RBAK: variants seen among roughly 807,000 people sequenced by gnomAD.
The protein encoded by RBAK is RB associated KRAB zinc finger.
Under a neutral mutation model 65.8 loss-of-function variants are expected in RBAK, and 39 were observed. That is an observed-to-expected ratio of 0.59 (90% CI 0.46 to 0.77). The LOEUF is 0.77. Among genes scored for constraint, RBAK ranks in the 30% least tolerant of loss-of-function variants. The pLI, the probability that RBAK is intolerant of heterozygous loss-of-function variation, is 0.00. For missense variants in RBAK, 884 were observed against 855.1 expected (o/e 1.03, Z -0.42); for synonymous variants, 343 against 289.7 (o/e 1.18, Z -1.87).
chr7:5,060,575 A>G (rs1779046014), intron 4 of RBAK, among the ~76,000 whole-genome samples: 1 of 152,246 alleles, frequency 6.6e-6, no homozygotes, highest in Non-Finnish European at 1.5e-5. Flanking sequence ...GATTTGATAA[A>G]TGTCTTCAAG....
intron 2 of RBAK, among the ~76,000 whole-genome samples, chr7:5,056,794 G>C (rs1436876178): frequency 6.6e-6 from 1 of 152,130 alleles, no homozygotes; most frequent in Non-Finnish European, 1.5e-5. Context: ...CCAGAGCAGT[G>C]AGTTAGGAGG....
Position 5,065,716 on chromosome 7 carries a change from G to A in RBAK, c.*115G>A, listed in dbSNP as rs534906188. ...TTCCTGAACGGTGAGAAGCATTTAG[G>A]CATTAGAGTCATTTTAATCCAAATT... On this transcript the variant is annotated 3_prime_UTR_variant, in exon 5 of 5. Transcript: ENST00000396912. The surrounding 1 kb of genome is among the most constrained non-coding windows in gnomAD (Gnocchi z 5.3). The A allele has an allele frequency of 4.8e-5, 34 of 703,526 alleles. No homozygotes were observed. Among genetic ancestry groups the A allele is most frequent in the Non-Finnish European group, 6.7e-5 (32 of 478,498 alleles). The allele number at this position is 703,526 out of a possible 1,614,324, so 43.6% of individuals were successfully genotyped here.
rs1384159855 is a variant in RBAK, at chr7:5,069,359, A to C, written c.*3758A>C. ...TAAAGCTTAGCATAATGTATATTTT[A>C]AGTGAAATATTTGAGAAGGTTAAAG... On this transcript the variant is annotated 3_prime_UTR_variant, in exon 5 of 5. Transcript: ENST00000396912. 4 of 152,226 alleles carry C rather than the reference A, an allele frequency of 2.6e-5. No individual in the cohort carries two copies. The highest frequency in any genetic ancestry group is 9.6e-5 in the African/African-American group (4 of 41,460). 9.4% of individuals were successfully genotyped at this position (152,226 alleles called of 1,614,324 possible). A position where few individuals can be genotyped will look rare whatever the true frequency, so the allele number is the denominator to read the frequency against.
intron 2 of RBAK, among the ~76,000 whole-genome samples, chr7:5,049,785 G>A (rs1788075683): frequency 1.3e-5 from 2 of 151,942 alleles, no homozygotes; most frequent in South Asian, 2.1e-4. Context: ...GTGTAGAGAC[G>A]TGATCACAAC....
rs374659981 is a variant in RBAK at position 5,064,219 on chromosome 7, C to G, written c.763C>G (p.Gln255Glu). 306 of 1,613,958 alleles carry G rather than the reference C, an allele frequency of 1.9e-4. No homozygotes were observed. Among genetic ancestry groups the G allele is most frequent in the Middle Eastern group, 6.6e-4 (4 of 6,062 alleles). Residue 255 changes from glutamine (Q) to glutamate (E), a missense_variant, in exon 5 of 5, where the codon CAA becomes GAA. Gln to Glu is a conservative substitution (Grantham distance 29). Transcript: ENST00000396912. The surrounding 1 kb of genome is among the most constrained non-coding windows in gnomAD (Gnocchi z 6.3). ...MSNFNAYQRS[Q>E]MEMKPFECSE... ...AAATTTTAATGCATATCAGAGATCA[C>G]AAATGGAAATGAAGCCCTTTGAATG... is the stretch of plus-strand genomic sequence containing the variant.
intron 4 of RBAK, among the ~76,000 whole-genome samples, chr7:5,059,306 C>G (rs1199586989): frequency 2.6e-5 from 4 of 151,930 alleles, no homozygotes; most frequent in Admixed American, 2.6e-4. Flanking sequence ...TCTCCTCCCT[C>G]TCTCCCTTCC....
At chr7:5,057,513 G>C (rs1321823014) in intron 3 of RBAK, 92 bp downstream of exon 3, 59 of 1,610,006 alleles carry the variant, frequency 3.7e-5, no homozygotes, top group Non-Finnish European at 4.9e-5. Context: ...TTAATTCCTT[G>C]TGGGCACTAG....
intron 2 of RBAK, 27 bp from the exon 3 acceptor site, chr7:5,057,268 C>A (rs754801462): frequency 2.9e-5 from 46 of 1,613,782 alleles, no homozygotes; most frequent in Non-Finnish European, 3.6e-5. Context: ...TCCGTATCTC[C>A]CAATTCTGAT....
In RBAK at chr7:5,064,462, C is replaced by G. The variant is rs751580739; in HGVS notation, c.1006C>G (p.Leu336Val). 66 of 1,613,944 alleles carry G rather than the reference C, an allele frequency of 4.1e-5. No individual in the cohort carries two copies. Among genetic ancestry groups the G allele is most frequent in the Non-Finnish European group, 5.4e-5 (64 of 1,179,990 alleles). Residue 336 changes from leucine (L) to valine (V), a missense_variant, in exon 5 of 5, where the codon CTA becomes GTA. Leu to Val is a conservative substitution (Grantham distance 32). Transcript: ENST00000396912. This position sits in a 1 kb window ranked among gnomAD's most constrained non-coding sequence, Gnocchi z 6.3. ...FCQKLHLTQH[L>V]RTHSGEKPYE... ...TCAGAAGTTACACCTCACTCAACAC[C>G]TAAGAACTCATTCAGGAGAGAAACC... is the stretch of plus-strand genomic sequence containing the variant.
rs1779152739 is a variant in RBAK, at chr7:5,064,067, C to T, written c.611C>T (p.Pro204Leu). The T allele has an allele frequency of 6.2e-7, 1 of 1,613,448 alleles. No homozygotes were observed. The highest frequency in any genetic ancestry group is 1.1e-5 in the South Asian group (1 of 91,006). Residue 204 changes from proline (P) to leucine (L), a missense_variant, in exon 5 of 5, where the codon CCC (proline) becomes CTC (leucine). Pro to Leu is a moderately conservative substitution (Grantham distance 98). Transcript: ENST00000396912. This position sits in a 1 kb window ranked among gnomAD's most constrained non-coding sequence, Gnocchi z 6.3. ...ILQKISILEK[P>L]FEYNECMEAL... is the part of the protein sequence containing the mutation. ...CAGAAAATTAGTATTTTGGAGAAACCCTTTGAATATAATGAATGCATGGAA... is the reference window on the plus strand; with the variant it reads ...CAGAAAATTAGTATTTTGGAGAAACTCTTTGAATATAATGAATGCATGGAA...
intron 2 of RBAK, among the ~76,000 whole-genome samples, chr7:5,049,154 T>C (rs60001460): frequency 0.024 from 3,718 of 152,314 alleles, 147 homozygotes; most frequent in African/African-American, 0.085. Flanking sequence ...CAAGTTGATA[T>C]AATTGCGGAT....
chr7:5,053,795 C>T lies in RBAK; in HGVS notation c.16-3500C>T, dbSNP rs12667194. On this transcript the variant is annotated intron_variant, in intron 2 of 4. Coordinates refer to ENST00000396912, the MANE Select transcript of RBAK (RefSeq NM_021163.4). ...GTAGTTTCTATCTGTAGAAGGTTAG[C>T]GTGGGTCTTTTTTACATCTTGCCTG... Among the ~76,000 whole-genome samples, 475 of 152,194 alleles carry T rather than the reference C, an allele frequency of 3.1e-3. 16 individuals are homozygous for T. The East Asian group carries it at 0.084, about 27-fold the overall frequency.
At position 5,046,324 on chromosome 7, in the gene RBAK, C is replaced by A. The variant is rs769751217; in HGVS notation, c.-117C>A. 3.9e-6 allele frequency: 2 copies of A among 515,616 alleles called. No homozygotes were observed. The highest frequency in any genetic ancestry group is 7.7e-6 in the Non-Finnish European group (2 of 259,306). The allele number at this position is 515,616 out of a possible 1,614,324, so 31.9% of individuals were successfully genotyped here. A position where few individuals can be genotyped will look rare whatever the true frequency, so the allele number is the denominator to read the frequency against. On this transcript the variant is annotated 5_prime_UTR_variant, in exon 1 of 5. Transcript: ENST00000396912. ...GACAGGAGGGGACCTCGCGAGCAGACGCGCGCCAGCGACAGCAGCCCCGCC... is the reference window on the plus strand; with the variant it reads ...GACAGGAGGGGACCTCGCGAGCAGAAGCGCGCCAGCGACAGCAGCCCCGCC...
In RBAK at chr7:5,046,326, C is replaced by G. The variant is rs775565061; in HGVS notation, c.-115C>G. On this transcript the variant is annotated 5_prime_UTR_variant, in exon 1 of 5. Coordinates refer to ENST00000396912, the MANE Select transcript of RBAK (RefSeq NM_021163.4). ...CAGGAGGGGACCTCGCGAGCAGACG[C>G]GCGCCAGCGACAGCAGCCCCGCCCC... 1.9e-6 allele frequency: 1 copy of G among 515,814 alleles called. No individual in the cohort carries two copies. The highest frequency in any genetic ancestry group is 5.5e-5 in the East Asian group (1 of 18,286). The allele number at this position is 515,814 out of a possible 1,614,324, so 32.0% of individuals were successfully genotyped here. A position where few individuals can be genotyped will look rare whatever the true frequency, so the allele number is the denominator to read the frequency against.
intron 2 of RBAK, among the ~76,000 whole-genome samples, chr7:5,050,061 T>G (rs1788082563): frequency 1.3e-5 from 2 of 152,144 alleles, no homozygotes; most frequent in Admixed American, 6.5e-5. Context: ...GGTCTCAAAC[T>G]CCTGACCTCA....
At chr7:5,046,669 T>C (rs1787993043) in intron 1 of RBAK, among the ~76,000 whole-genome samples, 1 of 152,178 alleles carries the variant, frequency 6.6e-6, no homozygotes, top group Non-Finnish European at 1.5e-5. Context: ...TCCTCCTCCT[T>C]TCCGTGCTCC....
In RBAK at chr7:5,062,594, A is replaced by G. The variant is rs1295357761; in HGVS notation, c.239-1101A>G. 2.0e-5 allele frequency among the ~76,000 whole-genome samples: 3 copies of G among 152,240 alleles called. 1 individual carries two copies. Among genetic ancestry groups the G allele is most frequent in the African/African-American group, 7.2e-5 (3 of 41,466 alleles). On this transcript the variant is annotated intron_variant, in intron 4 of 4. Transcript: ENST00000396912. ...CCATTGTCATTGATAACATCTTATC[A>G]GGAGACAGGGTTTCGAGAGCAACCG...
intron 4 of RBAK, among the ~76,000 whole-genome samples, chr7:5,058,177 C>G (rs749718280): frequency 6.6e-6 from 1 of 152,132 alleles, no homozygotes; most frequent in Non-Finnish European, 1.5e-5. Context: ...CAGGTTCAAG[C>G]GATTCTCCTT....
intron 2 of RBAK, among the ~76,000 whole-genome samples, chr7:5,049,496 G>C (rs1483910275): frequency 6.6e-6 from 1 of 152,172 alleles, no homozygotes; most frequent in Non-Finnish European, 1.5e-5. Context: ...TTTTCACGTT[G>C]CTGAGTCAGT....
Sources: allele counts gnomAD v4.1 joint callset (sites outside exome capture counted in the v4.1 genomes callset), GRCh38; gene constraint gnomAD v4.1.1; non-coding constraint Gnocchi (gnomAD v3.1); transcripts MANE v1.5; gene names NCBI Gene and HGNC (gene_info 2026-07-23, HGNC 2026-07-21).